TAP1: variants seen among roughly 807,000 people sequenced by gnomAD.
The protein encoded by TAP1 is transporter 1, ATP binding cassette subfamily B member, also known as antigen peptide transporter 1.
In TAP1, 56 loss-of-function variants were observed where a neutral mutation model predicts 79.3. The observed-to-expected ratio is 0.71, with a 90% confidence interval of 0.57 to 0.88. The LOEUF (loss-of-function observed/expected upper bound fraction) is 0.88, where lower values mean the gene tolerates loss of function less well. TAP1 is among the 40% of genes least tolerant of loss of function. The pLI, the probability that TAP1 is intolerant of heterozygous loss-of-function variation, is 0.00. For synonymous variants in TAP1, 355 were observed against 401.4 expected, an observed-to-expected ratio of 0.88 and a Z score of 1.38; for missense variants, 737 against 936.3, an observed-to-expected ratio of 0.79 and a Z score of 2.78.
Position 32,847,077 on chromosome 6 carries a change from G to A in TAP1, c.2031C>T (p.Ser677=). 6.2e-7 allele frequency: 1 copy of A among 1,612,706 alleles called. No homozygotes were observed. Among genetic ancestry groups the A allele is most frequent in the Non-Finnish European group, 8.5e-7 (1 of 1,180,044 alleles). The stretch of plus-strand genomic sequence containing the variant: ...AAGATGACTGCCTCACCTGTAACTG[G>A]CTGTTTGCATCCAGGGCACTGGTGG... ...DDATSALDAN[S]QLQVEQLLYE... Residue 677 remains serine, a synonymous_variant, in exon 10 of 11, where the codon AGC becomes AGT. Transcript: ENST00000354258. This position sits in a 1 kb window ranked among gnomAD's most constrained non-coding sequence, Gnocchi z 4.7.
rs1554246364 is a variant in TAP1, at chr6:32,851,924, T to TGTGTGTGAGAGA, written c.844+184_844+185insTCTCTCACACAC. ...AAAAACAATTGTGTGTGTGTGTGTG[T>TGTGTGTGAGAGA]GAGAGAGAGAGAGAGAGAGACAGAG... On this transcript the variant is annotated intron_variant, in intron 3 of 10. Transcript: ENST00000354258. The surrounding 1 kb of genome is among the most constrained non-coding windows in gnomAD (Gnocchi z 4.8). 1.0e-3 allele frequency among the ~76,000 whole-genome samples: 151 copies of TGTGTGTGAGAGA among 147,434 alleles called. No individual in the cohort carries two copies. In the Middle Eastern group the frequency reaches 0.014, roughly 14 times the overall value.
rs1770700369 is a variant in TAP1 at position 32,850,248 on chromosome 6, G to A, written c.1248+72C>T. ...CCCAGTAAAGGAGGAGTGGGAGCAG[G>A]GTCATAGGAATGGGAATGGAGTCAC... On this transcript the variant is annotated intron_variant, in intron 5 of 10. Transcript: ENST00000354258. This position sits in a 1 kb window ranked among gnomAD's most constrained non-coding sequence, Gnocchi z 5.5. The A allele has an allele frequency of 2.0e-6, 3 of 1,509,120 alleles. No homozygotes were observed. The highest frequency in any genetic ancestry group is 1.8e-6 in the Non-Finnish European group (2 of 1,085,120). The allele number at this position is 1,509,120 out of a possible 1,614,324, so 93.5% of individuals were successfully genotyped here.
chr6:32,853,633 C>G lies in TAP1; in HGVS notation c.4G>C (p.Ala2Pro), dbSNP rs767256206. ...CGGGGAGCGGGACACCTAGAGCTAGCCATTGGCACTCGGACGCCGTCCCGG... is the reference window on the plus strand; with the variant it reads ...CGGGGAGCGGGACACCTAGAGCTAGGCATTGGCACTCGGACGCCGTCCCGG... M[A>P]SSRCPAPRGC... Residue 2 changes from alanine to proline, a missense_variant, in exon 1 of 11, where the codon GCT becomes CCT. Coordinates refer to ENST00000354258, the MANE Select transcript of TAP1 (RefSeq NM_000593.6). The surrounding 1 kb of genome is among the most constrained non-coding windows in gnomAD (Gnocchi z 8.3). 1 of 1,610,846 alleles carries G rather than the reference C, an allele frequency of 6.2e-7. No individual in the cohort carries two copies. Among genetic ancestry groups the G allele is most frequent in the Non-Finnish European group, 8.5e-7 (1 of 1,179,260 alleles).
In TAP1 at chr6:32,847,255, C is replaced by T. The variant is rs548371687; in HGVS notation, c.1904-51G>A. 5.4e-5 allele frequency: 87 copies of T among 1,605,042 alleles called. No homozygotes were observed. Among genetic ancestry groups the T allele is most frequent in the Non-Finnish European group, 6.8e-5 (80 of 1,178,518 alleles). On this transcript the variant is annotated intron_variant, in intron 9 of 10. Coordinates refer to ENST00000354258, the MANE Select transcript of TAP1 (RefSeq NM_000593.6). This position sits in a 1 kb window ranked among gnomAD's most constrained non-coding sequence, Gnocchi z 4.7. The stretch of plus-strand genomic sequence containing the variant: ...AACGGTATAGCCACATGTGTGCACG[C>T]ATGTACATGCACACAGACACACTCA...
Position 32,853,485 on chromosome 6 carries a change from G to A in TAP1, c.152C>T (p.Ala51Val), listed in dbSNP as rs781699375. Residue 51 changes from alanine to valine, a missense_variant, in exon 1 of 11, where the codon GCG (alanine) becomes GTG (valine). By Grantham distance (64) the Ala-to-Val change is moderately conservative. Transcript: ENST00000354258. This position sits in a 1 kb window ranked among gnomAD's most constrained non-coding sequence, Gnocchi z 8.3. Reference protein sequence around the residue: ...PRIFSLLVPTALPLLRVWAVG... With the variant: ...PRIFSLLVPTVLPLLRVWAVG... The stretch of plus-strand genomic sequence containing the variant: ...CGCCCAGACCCGGAGCAGTGGCAGC[G>A]CGGTGGGCACCAGCAGGGAGAATAT... 103 of 1,609,922 alleles carry A rather than the reference G, an allele frequency of 6.4e-5. No individual in the cohort carries two copies. The highest frequency in any genetic ancestry group is 1.7e-5 in the Admixed American group (1 of 59,900).
chr6:32,848,954 G>T (rs754592278), intron 6 of TAP1, 36 bp downstream of exon 6: 2 of 1,612,752 alleles, frequency 1.2e-6, no homozygotes, highest in East Asian at 2.2e-5. Context: ...CCAGAGGAAG[G>T]AATCACACTG....
chr6:32,850,600 A>G lies in TAP1; in HGVS notation c.1051-83T>C. On this transcript the variant is annotated intron_variant, in intron 4 of 10. Transcript: ENST00000354258. The surrounding 1 kb of genome is among the most constrained non-coding windows in gnomAD (Gnocchi z 5.5). Reference sequence around the variant, plus strand: ...TACCTGAGTTACCTATTTGGAAATTAAAGGTGAGAAGAGACAGAGGAAAAG... The same window carrying G: ...TACCTGAGTTACCTATTTGGAAATTGAAGGTGAGAAGAGACAGAGGAAAAG... 2 of 1,242,550 alleles carry G rather than the reference A, an allele frequency of 1.6e-6. No homozygotes were observed. The highest frequency in any genetic ancestry group is 4.7e-5 in the East Asian group (2 of 42,606). The allele number at this position is 1,242,550 out of a possible 1,614,324, so 77.0% of individuals were successfully genotyped here.
At position 32,853,423 on chromosome 6, in the gene TAP1, C is replaced by T. The variant is rs1266560493; in HGVS notation, c.214G>A (p.Ala72Thr). 1.9e-6 allele frequency: 3 copies of T among 1,611,298 alleles called. No homozygotes were observed. Among genetic ancestry groups the T allele is most frequent in the Admixed American group, 1.7e-5 (1 of 59,874 alleles). Residue 72 changes from alanine to threonine, a missense_variant, in exon 1 of 11, where the codon GCC (alanine) becomes ACC (threonine). Coordinates refer to ENST00000354258, the MANE Select transcript of TAP1 (RefSeq NM_000593.6). The surrounding 1 kb of genome is among the most constrained non-coding windows in gnomAD (Gnocchi z 8.3). Reference sequence around the variant, plus strand: ...ACCGTTGCCCTGAGGACCCCGCAGGCCCCCAGCCAGAGCACGGCCCAGCGG... The same window carrying T: ...ACCGTTGCCCTGAGGACCCCGCAGGTCCCCAGCCAGAGCACGGCCCAGCGG... ...LSRWAVLWLG[A>T]CGVLRATVGS...
chr6:32,851,042 C>T lies in TAP1; in HGVS notation c.952G>A (p.Gly318Arg), dbSNP rs781031767. The change falls in exon 4 of 11, where the codon GGG (glycine) becomes AGG (arginine). Residue 318 changes from glycine (G) to arginine (R), a missense_variant. Physicochemically the swap from Gly to Arg is moderately radical, Grantham distance 125. This residue lies in a region of TAP1 where 406 missense variants were observed against 477.2 expected (regional missense o/e 0.85). Coordinates refer to ENST00000354258, the MANE Select transcript of TAP1 (RefSeq NM_000593.6). This position sits in a 1 kb window ranked among gnomAD's most constrained non-coding sequence, Gnocchi z 4.8. Reference sequence around the variant, plus strand: ...GACACTGATCCCCAGAGCATGATCCCCAAGAGACATAGGCCTCGCACCAGG... The same window carrying T: ...GACACTGATCCCCAGAGCATGATCCTCAAGAGACATAGGCCTCGCACCAGG... ...WYLVRGLCLL[G>R]IMLWGSVSLT... The T allele has an allele frequency of 2.4e-5, 38 of 1,612,830 alleles. No homozygotes were observed. Among genetic ancestry groups the T allele is most frequent in the African/African-American group, 4.0e-5 (3 of 74,858 alleles).
chr6:32,852,946 C>G lies in TAP1; in HGVS notation c.598+93G>C. The stretch of plus-strand genomic sequence containing the variant: ...AGTCCTTCTCCTGCTCCACATTTCC[C>G]AGAACCCACGCTACTCTACCTTACT... On this transcript the variant is annotated intron_variant, in intron 1 of 10. Coordinates refer to ENST00000354258, the MANE Select transcript of TAP1 (RefSeq NM_000593.6). This position sits in a 1 kb window ranked among gnomAD's most constrained non-coding sequence, Gnocchi z 4.8. 6.6e-7 allele frequency: 1 copy of G among 1,512,558 alleles called. No homozygotes were observed. The highest frequency in any genetic ancestry group is 8.8e-7 in the Non-Finnish European group (1 of 1,133,066). 93.7% of individuals were successfully genotyped at this position (1,512,558 alleles called of 1,614,324 possible).
Position 32,849,676 on chromosome 6 carries a change from G to A in TAP1, c.1249-558C>T, listed in dbSNP as rs144896613. ...TGAGGCGGGAGAACGGCGTGAACCC[G>A]GGAGGCGGAGCTTGCAGTGAGCCCA... On this transcript the variant is annotated intron_variant, in intron 5 of 10. Transcript: ENST00000354258. 5.0e-3 allele frequency: 881 copies of A among 175,894 alleles called. 5 individuals carry two copies. The highest frequency in any genetic ancestry group is 0.02 in the African/African-American group (834 of 41,692). The allele number at this position is 175,894 out of a possible 1,614,324, so 10.9% of individuals were successfully genotyped here. A position where few individuals can be genotyped will look rare whatever the true frequency, so the allele number is the denominator to read the frequency against.
chr6:32,850,357 T>G lies in TAP1; in HGVS notation c.1211A>C (p.Glu404Ala). 6.2e-7 allele frequency: 1 copy of G among 1,614,254 alleles called. No individual in the cohort carries two copies. Among genetic ancestry groups the G allele is most frequent in the Non-Finnish European group, 8.5e-7 (1 of 1,180,040 alleles). Residue 404 changes from glutamate to alanine, a missense_variant, in exon 5 of 11, where the codon GAG becomes GCG. Coordinates refer to ENST00000354258, the MANE Select transcript of TAP1 (RefSeq NM_000593.6). This position sits in a 1 kb window ranked among gnomAD's most constrained non-coding sequence, Gnocchi z 5.5. ...GGAGTTGACTGCATAGGCCACAGCC[T>G]CCTTCTGGTTGAGTGTCTTTATTTC... The part of the protein sequence containing the change: ...LQEIKTLNQK[E>A]AVAYAVNSWT...
Position 32,852,006 on chromosome 6 carries a change from T to G in TAP1, c.844+103A>C. ...CAAGAATGAGAAGGAACAATGTGTG[T>G]ATGTGTGTGTGAGAGAGAGAGAGCG... On this transcript the variant is annotated intron_variant, in intron 3 of 10. Transcript: ENST00000354258. The surrounding 1 kb of genome is among the most constrained non-coding windows in gnomAD (Gnocchi z 4.8). The G allele has an allele frequency of 6.8e-7, 1 of 1,468,962 alleles. No individual in the cohort carries two copies. Among genetic ancestry groups the G allele is most frequent in the Non-Finnish European group, 9.5e-7 (1 of 1,057,156 alleles). The allele number at this position is 1,468,962 out of a possible 1,614,324, so 91.0% of individuals were successfully genotyped here.
chr6:32,850,337 T>C lies in TAP1; in HGVS notation c.1231A>G (p.Asn411Asp). Residue 411 changes from asparagine (N) to aspartate (D), a missense_variant, in exon 5 of 11, where the codon AAC becomes GAC. By Grantham distance (23) the Asn-to-Asp change is conservative (BLOSUM62 1). Coordinates refer to ENST00000354258, the MANE Select transcript of TAP1 (RefSeq NM_000593.6). This position sits in a 1 kb window ranked among gnomAD's most constrained non-coding sequence, Gnocchi z 5.5. ...NQKEAVAYAV[N>D]SWTTSISGML... is the part of the protein sequence containing the mutation. Reference sequence around the variant, plus strand: ...GTGCTCACACTAGTGGTCCAGGAGTTGACTGCATAGGCCACAGCCTCCTTC... The same window carrying C: ...GTGCTCACACTAGTGGTCCAGGAGTCGACTGCATAGGCCACAGCCTCCTTC... 1 of 1,614,258 alleles carries C rather than the reference T, an allele frequency of 6.2e-7. No homozygotes were observed. Among genetic ancestry groups the C allele is most frequent in the Non-Finnish European group, 8.5e-7 (1 of 1,180,052 alleles).
intron 7 of TAP1, 58 bp downstream of exon 7, chr6:32,848,594 T>C: frequency 6.3e-7 from 1 of 1,591,790 alleles, no homozygotes. Context: ...AGGAAGAAAA[T>C]TTAGGATGGC....
At position 32,852,316 on chromosome 6, in the gene TAP1, AGT is replaced by A; in HGVS notation, c.713+70_713+71del. Reference sequence around the variant, plus strand: ...TGAAGGTCCCAGGTATCCCCATATAAGTGCATTTCGGACAGCAGCCCCAACTT... The same window carrying A: ...TGAAGGTCCCAGGTATCCCCATATAAGCATTTCGGACAGCAGCCCCAACTT... On this transcript the variant is annotated intron_variant, in intron 2 of 10. Coordinates refer to ENST00000354258, the MANE Select transcript of TAP1 (RefSeq NM_000593.6). This position sits in a 1 kb window ranked among gnomAD's most constrained non-coding sequence, Gnocchi z 4.8. 6.2e-7 allele frequency: 1 copy of A among 1,612,836 alleles called. No homozygotes were observed. The highest frequency in any genetic ancestry group is 1.1e-5 in the South Asian group (1 of 91,086).
Position 32,852,214 on chromosome 6 carries a change from C to T in TAP1, c.739G>A (p.Gly247Arg), listed in dbSNP as rs59328013. Residue 247 changes from glycine to arginine, a missense_variant, in exon 3 of 11, where the codon GGG (glycine) becomes AGG (arginine). Gly to Arg is a moderately radical substitution (Grantham distance 125, BLOSUM62 -2). This residue lies in a region of TAP1 where 406 missense variants were observed against 477.2 expected (regional missense o/e 0.85). Transcript: ENST00000354258. The surrounding 1 kb of genome is among the most constrained non-coding windows in gnomAD (Gnocchi z 4.8). ...TGGCCCATGGTGTTGTTATAGATCC[C>T]GTCACCCACGAACTCCAGCACTGCA... ...ASAVLEFVGDGIYNNTMGHVH... is the reference protein window; with the variant it reads ...ASAVLEFVGDRIYNNTMGHVH... 1.1e-4 allele frequency: 184 copies of T among 1,612,938 alleles called. No homozygotes were observed. In the African/African-American group the frequency reaches 2.0e-3, roughly 18 times the overall value.
chr6:32,849,708 G>A (rs529534615), intron 5 of TAP1: 56 of 169,162 alleles, frequency 3.3e-4, no homozygotes, highest in Non-Finnish European at 3.4e-4. Context: ...CCCAGATCGC[G>A]CCACTGCACT....
chr6:32,852,289 A>T lies in TAP1; in HGVS notation c.714-50T>A. On this transcript the variant is annotated intron_variant, in intron 2 of 10. Coordinates refer to ENST00000354258, the MANE Select transcript of TAP1 (RefSeq NM_000593.6). This position sits in a 1 kb window ranked among gnomAD's most constrained non-coding sequence, Gnocchi z 4.8. ...GGATCAGGGTGTGTTCAGGGAACAG[A>T]CTGAAGGTCCCAGGTATCCCCATAT... 2 of 1,613,000 alleles carry T rather than the reference A, an allele frequency of 1.2e-6. No individual in the cohort carries two copies. The highest frequency in any genetic ancestry group is 1.7e-6 in the Non-Finnish European group (2 of 1,179,982).
Sources: allele counts gnomAD v4.1 joint callset (sites outside exome capture counted in the v4.1 genomes callset), GRCh38; gene constraint gnomAD v4.1.1; regional missense constraint gnomAD v4.1.1; non-coding constraint Gnocchi (gnomAD v3.1); transcripts MANE v1.5; gene names NCBI Gene and HGNC (gene_info 2026-07-23, HGNC 2026-07-21).